Variants in THADA observed in about 807,000 individuals in gnomAD.
THADA encodes the protein THADA armadillo repeat containing.
THADA carries 213 observed loss-of-function variants against 219.8 expected under a neutral mutation model. The ratio of observed to expected loss-of-function variants is 0.97; its 90% CI spans 0.87 to 1.09. The LOEUF (loss-of-function observed/expected upper bound fraction) is 1.09. Among genes scored for constraint, THADA ranks in the 50% least tolerant of loss-of-function variants. The pLI is 0.00. For missense variants in THADA, 2,956 were observed against 2,311.3 expected (o/e 1.28, Z -5.72); for synonymous variants, 1,018 against 828.9 (o/e 1.23, Z -3.92).
chr2:43,451,988 T>C (rs1323687723), intron 26 of THADA, among the ~76,000 whole-genome samples: 1 of 152,114 alleles, frequency 6.6e-6, no homozygotes, highest in East Asian at 1.9e-4. Flanking sequence ...ATACCTGTAG[T>C]CCCAGCTACT....
chr2:43,355,327 T>C (rs1209969485), intron 29 of THADA, among the ~76,000 whole-genome samples: 1 of 152,226 alleles, frequency 6.6e-6, no homozygotes, highest in African/African-American at 2.4e-5. Flanking sequence ...TCCACAGTGA[T>C]TGTACTAATT....
chr2:43,344,767 TG>T lies in THADA; in HGVS notation c.4228-531del, dbSNP rs774783351. ...GTTTGTAACTATTTAGGGTTTTTTTTGTTTTTTTTTTTTAGCAGATCTTCCC... is the reference window on the plus strand; with the variant it reads ...GTTTGTAACTATTTAGGGTTTTTTTTTTTTTTTTTTTTAGCAGATCTTCCC... On this transcript the variant is annotated intron_variant, in intron 29 of 37. Transcript: ENST00000405975. 4.1e-4 allele frequency among the ~76,000 whole-genome samples: 62 copies of T among 151,178 alleles called. 2 individuals are homozygous for T. The highest frequency in any genetic ancestry group is 8.8e-4 in the African/African-American group (36 of 41,134).
intron 28 of THADA, among the ~76,000 whole-genome samples, chr2:43,416,065 A>G (rs1676932522): frequency 1.3e-5 from 2 of 152,222 alleles, no homozygotes; most frequent in South Asian, 2.1e-4. Context: ...CTTCAGTAGA[A>G]TTATGCAGGT....
intron 25 of THADA, 141 bp from the exon 26 acceptor site, chr2:43,485,466 T>A: frequency 6.5e-6 from 4 of 619,610 alleles, no homozygotes; most frequent in Non-Finnish European, 8.3e-6. Flanking sequence ...GTTCATAAAA[T>A]AATTTAAAAA....
In THADA at chr2:43,309,260, G is replaced by A. The variant is rs143924858; in HGVS notation, c.4438+11186C>T. Reference sequence around the variant, plus strand: ...CTTCTCATGAATGCAAGGTGGGAATGCAAAGTGGTAAACATTTTGGTAGTT... The same window carrying A: ...CTTCTCATGAATGCAAGGTGGGAATACAAAGTGGTAAACATTTTGGTAGTT... On this transcript the variant is annotated intron_variant, in intron 31 of 37. Coordinates refer to ENST00000405975, the MANE Select transcript of THADA (RefSeq NM_022065.5). Among the ~76,000 whole-genome samples the A allele has an allele frequency of 4.0e-3, 608 of 152,320 alleles. 10 individuals are homozygous for A. The highest frequency in any genetic ancestry group is 0.033 in the East Asian group (172 of 5,192).
At chr2:43,331,143 C>T (rs894982830) in intron 30 of THADA, among the ~76,000 whole-genome samples, 1 of 152,178 alleles carries the variant, frequency 6.6e-6, no homozygotes, top group African/African-American at 2.4e-5. Flanking sequence ...CTTGAATTTC[C>T]ACATAAGCTT....
intron 4 of THADA, among the ~76,000 whole-genome samples, chr2:43,588,764 T>C (rs1046326478): frequency 7.2e-5 from 11 of 152,124 alleles, no homozygotes; most frequent in Non-Finnish European, 1.5e-4. Context: ...AATTTAACAA[T>C]ATCTACCAAG....
chr2:43,314,241 T>A (rs1573027250), intron 31 of THADA, among the ~76,000 whole-genome samples: 1 of 152,234 alleles, frequency 6.6e-6, no homozygotes, highest in African/African-American at 2.4e-5. Flanking sequence ...CTATGTCATT[T>A]CTTTAGGATT....
intron 15 of THADA, 53 bp downstream of exon 15, chr2:43,566,645 T>C (rs781659088): frequency 1.3e-6 from 2 of 1,579,472 alleles, no homozygotes; most frequent in Non-Finnish European, 1.7e-6. Context: ...GTAGAATAAG[T>C]ATGTTTTGAA....
In THADA at chr2:43,541,311, CTTT is replaced by C. The variant is rs140367558; in HGVS notation, c.3109_3111del (p.Lys1037del). On this transcript the variant is annotated inframe_deletion and splice_region_variant, in exon 21 of 38. Transcript: ENST00000405975. ...GCAGTTACATCACATGTTTTTACTTCTTTACCTTAAACAAAAAAAAACACAACG... is the reference window on the plus strand; with the variant it reads ...GCAGTTACATCACATGTTTTTACTTCACCTTAAACAAAAAAAAACACAACG... 1.8e-3 allele frequency: 2,941 copies of C among 1,612,670 alleles called. 35 individuals carry two copies. In the African/African-American group the frequency reaches 0.028, roughly 15 times the overall value.
chr2:43,584,501 A>C (rs1309557861), intron 7 of THADA, among the ~76,000 whole-genome samples: 1 of 152,234 alleles, frequency 6.6e-6, no homozygotes, highest in Non-Finnish European at 1.5e-5. Flanking sequence ...CTGTGGAAAA[A>C]GGCTACCCTG....
intron 20 of THADA, among the ~76,000 whole-genome samples, chr2:43,548,452 T>G (rs973022008): frequency 6.6e-6 from 1 of 152,152 alleles, no homozygotes; most frequent in Admixed American, 6.5e-5. Flanking sequence ...TTTTGTTTGT[T>G]TGTGCCCTGC....
intron 28 of THADA, among the ~76,000 whole-genome samples, chr2:43,409,383 CA>C (rs1676003458): frequency 6.6e-6 from 1 of 150,444 alleles, no homozygotes; most frequent in Non-Finnish European, 1.5e-5. Context: ...AAAAATGACA[CA>C]AAAGAGCAAC....
chr2:43,582,691 T>G (rs917844537), intron 7 of THADA, among the ~76,000 whole-genome samples: 1 of 148,308 alleles, frequency 6.7e-6, no homozygotes, highest in African/African-American at 2.5e-5. Flanking sequence ...TGCCTCATCC[T>G]CCCAAGTAGC....
chr2:43,528,035 G>C (rs373762874), intron 21 of THADA, 47 bp from the exon 22 acceptor site: 27 of 1,421,328 alleles, frequency 1.9e-5, no homozygotes, highest in Non-Finnish European at 2.6e-5. Context: ...GTTTACATTC[G>C]CAAGTGTATT....
At chr2:43,570,793 C>T (rs916794184) in intron 13 of THADA, among the ~76,000 whole-genome samples, 2 of 152,126 alleles carry the variant, frequency 1.3e-5, no homozygotes, top group African/African-American at 4.8e-5. Flanking sequence ...AATTCTTCAC[C>T]CCATAAATGT....
At chr2:43,438,001 C>T (rs1680334429) in intron 26 of THADA, among the ~76,000 whole-genome samples, 1 of 152,034 alleles carries the variant, frequency 6.6e-6, no homozygotes, top group African/African-American at 2.4e-5. Context: ...AGAAAGGATG[C>T]TCAACTATAC....
chr2:43,378,126 T>C (rs1188427225), intron 29 of THADA, among the ~76,000 whole-genome samples: 3 of 152,010 alleles, frequency 2.0e-5, no homozygotes, highest in African/African-American at 7.3e-5. Flanking sequence ...AAGACAGAAG[T>C]AAACATAATT....
intron 26 of THADA, among the ~76,000 whole-genome samples, chr2:43,475,322 G>A (rs571193160): frequency 9.9e-5 from 15 of 151,794 alleles, no homozygotes; most frequent in African/African-American, 2.9e-4. Flanking sequence ...AGGTTGAGGC[G>A]GCGGGAGGAT....
Sources: gnomAD v4.1 joint callset for allele counts (sites outside exome capture counted in the v4.1 genomes callset) on GRCh38, gnomAD v4.1.1 for gene constraint, MANE v1.5 for transcripts, NCBI Gene and HGNC (gene_info 2026-07-23, HGNC 2026-07-21) for gene names.